REEP1: variants seen among roughly 807,000 people sequenced by gnomAD.
REEP1 encodes receptor expression-enhancing protein 1.
A neutral mutation model predicts 40.3 loss-of-function variants in REEP1; 22 were observed. The ratio of observed to expected loss-of-function variants is 0.55; its 90% CI spans 0.39 to 0.78. The LOEUF (loss-of-function observed/expected upper bound fraction) is 0.78. REEP1 is among the 30% of genes least tolerant of loss of function. The pLI, the probability that REEP1 is intolerant of heterozygous loss-of-function variation, is 0.00. For synonymous variants in REEP1, 116 were observed against 139.2 expected (o/e 0.83, Z 1.17); for missense variants, 280 against 361.1 (o/e 0.78, Z 1.82).
chr2:86,268,790 G>A (rs985444969), intron 2 of REEP1, among the ~76,000 whole-genome samples: 8 of 152,226 alleles, frequency 5.3e-5, no homozygotes, highest in African/African-American at 1.7e-4. Flanking sequence ...ATAGATAAAT[G>A]GAACAGAACA....
At chr2:86,282,455 C>T (rs996582523) in intron 1 of REEP1, among the ~76,000 whole-genome samples, 1 of 152,096 alleles carries the variant, frequency 6.6e-6, no homozygotes, top group African/African-American at 2.4e-5. Flanking sequence ...ACCCACCTCC[C>T]TTCAACCTGT....
At chr2:86,337,636 C>A, upstream of REEP1, 1 of 1,077,518 alleles carries the variant, frequency 9.3e-7, no homozygotes. This position sits in a 1 kb window ranked among gnomAD's most constrained non-coding sequence, Gnocchi z 5.8. Context: ...TGAGCGCGCC[C>A]GCCGCCCTGC....
intron 7 of REEP1, among the ~76,000 whole-genome samples, chr2:86,220,801 G>A (rs1436699385): frequency 6.6e-6 from 1 of 151,982 alleles, no homozygotes; most frequent in South Asian, 2.1e-4. Context: ...ATGATAGCAA[G>A]ATTCCTGTTT....
chr2:86,317,000 T>A (rs1359031369), intron 1 of REEP1, among the ~76,000 whole-genome samples: 1 of 152,186 alleles, frequency 6.6e-6, no homozygotes, highest in Non-Finnish European at 1.5e-5. Flanking sequence ...GTGGTTGAGT[T>A]TGCCATCACC....
intron 1 of REEP1, among the ~76,000 whole-genome samples, chr2:86,307,888 GAAGA>G (rs1679574548): frequency 6.6e-6 from 1 of 152,132 alleles, no homozygotes; most frequent in African/African-American, 2.4e-5. Context: ...TAGAAAACTA[GAAGA>G]AAGATTCTCT....
chr2:86,215,622 T>C lies in REEP1; in HGVS notation c.*1417A>G, dbSNP rs1386992580. On this transcript the variant is annotated 3_prime_UTR_variant, in exon 9 of 9. Coordinates refer to ENST00000538924, the MANE Select transcript of REEP1 (RefSeq NM_001371279.1). ...ACCAACTCGAAGCACAAATATATTA[T>C]TCTTATATTTCGGCTCAGCTCTCAG... The C allele has an allele frequency of 6.6e-6, 1 of 152,628 alleles. No individual in the cohort carries two copies. The highest frequency in any genetic ancestry group is 2.4e-5 in the African/African-American group (1 of 41,446). 9.5% of individuals were successfully genotyped at this position (152,628 alleles called of 1,614,324 possible).
At chr2:86,277,238 T>C (rs901442485) in intron 2 of REEP1, among the ~76,000 whole-genome samples, 1 of 152,098 alleles carries the variant, frequency 6.6e-6, no homozygotes, top group African/African-American at 2.4e-5. Flanking sequence ...GGGGGCCTCC[T>C]AGTACTGTCT....
chr2:86,245,658 C>T (rs979724471), intron 5 of REEP1, among the ~76,000 whole-genome samples: 13 of 152,258 alleles, frequency 8.5e-5, no homozygotes, highest in Non-Finnish European at 1.8e-4. Flanking sequence ...GGCCCCCTGG[C>T]TCCCACCTTT....
intron 1 of REEP1, among the ~76,000 whole-genome samples, chr2:86,318,491 C>T (rs1192807407): frequency 2.0e-5 from 3 of 150,918 alleles, no homozygotes; most frequent in Non-Finnish European, 4.4e-5. Flanking sequence ...CTCCGCCTCC[C>T]GGGTTCAAGC....
chr2:86,323,560 A>T (rs895354958), intron 1 of REEP1, among the ~76,000 whole-genome samples: 11 of 152,192 alleles, frequency 7.2e-5, no homozygotes, highest in African/African-American at 2.7e-4. Flanking sequence ...CTTAGGTTGC[A>T]CAGCTCCTTA....
rs1213779575 is a variant in REEP1 at position 86,264,043 on chromosome 2, TG to T, written c.106-3del. On this transcript the variant is annotated splice_region_variant and splice_polypyrimidine_tract_variant and intron_variant, in intron 2 of 8. Coordinates refer to ENST00000538924, the MANE Select transcript of REEP1 (RefSeq NM_001371279.1). ...AATCCAGTACATCATCCATTTGACC[TG>T]TTGAAACAGAAAGCAACACAGCTGG... The T allele has an allele frequency of 6.2e-7, 1 of 1,611,762 alleles. No individual in the cohort carries two copies. The highest frequency in any genetic ancestry group is 1.3e-5 in the African/African-American group (1 of 74,884).
At chr2:86,282,119 C>T (rs1297803397) in intron 2 of REEP1, 51 bp downstream of exon 2, 9 of 1,294,174 alleles carry the variant, frequency 7.0e-6, no homozygotes, top group Admixed American at 1.7e-5. Flanking sequence ...CAACATTTCA[C>T]ACCTGACCTG....
At chr2:86,243,052 C>G (rs759918958) in intron 5 of REEP1, among the ~76,000 whole-genome samples, 5 of 152,126 alleles carry the variant, frequency 3.3e-5, no homozygotes, top group Admixed American at 6.5e-5. Flanking sequence ...AGCAGAGAAC[C>G]AGGAACACTT....
chr2:86,257,314 A>C (rs1350914725), intron 3 of REEP1, among the ~76,000 whole-genome samples: 1 of 149,098 alleles, frequency 6.7e-6, no homozygotes, highest in Non-Finnish European at 1.5e-5. Context: ...TCTTTTAAAA[A>C]AAATAGGTCA....
intron 1 of REEP1, among the ~76,000 whole-genome samples, chr2:86,331,361 G>A (rs1680752816): frequency 6.6e-6 from 1 of 152,172 alleles, no homozygotes; most frequent in Non-Finnish European, 1.5e-5. Context: ...CTGAGTGAAG[G>A]GAGGCAGGAT....
chr2:86,337,958 C>T, upstream of REEP1: 2 of 1,421,992 alleles, frequency 1.4e-6, no homozygotes, highest in Non-Finnish European at 1.9e-6. This position sits in a 1 kb window ranked among gnomAD's most constrained non-coding sequence, Gnocchi z 5.8. Flanking sequence ...AATCTGTCTG[C>T]ACCTGTCTAG....
At chr2:86,303,910 T>A (rs1404838625) in intron 1 of REEP1, among the ~76,000 whole-genome samples, 1 of 152,050 alleles carries the variant, frequency 6.6e-6, no homozygotes, top group Non-Finnish European at 1.5e-5. Context: ...CCAGAGCACA[T>A]CTGACAGCAT....
intron 1 of REEP1, chr2:86,297,744 C>T (rs917437405): frequency 2.0e-6 from 2 of 985,018 alleles, no homozygotes; most frequent in Non-Finnish European, 2.4e-6. Context: ...AGCAACCTAC[C>T]TCCTCATTCA....
At chr2:86,233,083 G>A (rs1002902738) in intron 5 of REEP1, among the ~76,000 whole-genome samples, 10 of 152,134 alleles carry the variant, frequency 6.6e-5, no homozygotes, top group African/African-American at 1.4e-4. Flanking sequence ...ATGATGATCC[G>A]GAGCCTCAGA....
Sources: allele counts gnomAD v4.1 joint callset (sites outside exome capture counted in the v4.1 genomes callset), GRCh38; gene constraint gnomAD v4.1.1; non-coding constraint Gnocchi (gnomAD v3.1); transcripts MANE v1.5; gene names NCBI Gene and HGNC (gene_info 2026-07-23, HGNC 2026-07-21).